The following KIF16B variants were observed in gnomAD, a reference collection of about 807,000 sequenced individuals.
KIF16B encodes kinesin family member 16B.
A neutral mutation model predicts 156.3 loss-of-function variants in KIF16B; 98 were observed. That is an observed-to-expected ratio of 0.63 (90% CI 0.53 to 0.74). KIF16B has a LOEUF of 0.74. Ranked by LOEUF, KIF16B falls within the 30% of genes least tolerant of loss-of-function variation. The pLI, the probability that KIF16B is intolerant of heterozygous loss-of-function variation, is 0.00. For synonymous variants in KIF16B, 564 were observed against 583.7 expected (o/e 0.97, Z 0.49); for missense variants, 1,421 against 1,606.5 (o/e 0.88, Z 1.97).
At chr20:16,560,669 C>T (rs1039176043) in intron 1 of KIF16B, among the ~76,000 whole-genome samples, 3 of 152,016 alleles carry the variant, frequency 2.0e-5, no homozygotes, top group African/African-American at 7.2e-5. Flanking sequence ...CACTCAGCTA[C>T]TTGGGGGGCT....
chr20:16,311,475 G>A (rs753902880), intron 25 of KIF16B, among the ~76,000 whole-genome samples: 4 of 152,200 alleles, frequency 2.6e-5, no homozygotes, highest in South Asian at 2.1e-4. Flanking sequence ...GCAACAGAGC[G>A]AGACTCCGTC....
chr20:16,561,415 G>A (rs971425976), intron 1 of KIF16B, among the ~76,000 whole-genome samples: 8 of 152,006 alleles, frequency 5.3e-5, no homozygotes, highest in Admixed American at 2.6e-4. Flanking sequence ...AAACATAAGC[G>A]CCCTTCATTT....
chr20:16,282,300 T>C (rs1330065770), intron 25 of KIF16B, among the ~76,000 whole-genome samples: 1 of 151,690 alleles, frequency 6.6e-6, no homozygotes, highest in Non-Finnish European at 1.5e-5. Context: ...CCCAAAGTGC[T>C]GGGATTACAG....
chr20:16,532,924 C>G (rs1600643251), intron 1 of KIF16B, among the ~76,000 whole-genome samples: 1 of 152,088 alleles, frequency 6.6e-6, no homozygotes, highest in African/African-American at 2.4e-5. Context: ...TTTGGAGCAG[C>G]TAAATTTAAA....
chr20:16,388,428 G>A (rs957056231), intron 17 of KIF16B, among the ~76,000 whole-genome samples: 2 of 152,152 alleles, frequency 1.3e-5, no homozygotes, highest in Non-Finnish European at 2.9e-5. Flanking sequence ...TTTGAAGGTG[G>A]CTTTATTTTA....
chr20:16,383,552 G>C (rs994236000), intron 17 of KIF16B, among the ~76,000 whole-genome samples: 1 of 152,104 alleles, frequency 6.6e-6, no homozygotes, highest in Non-Finnish European at 1.5e-5. Context: ...AGTCATGAAG[G>C]CCAGCCCATA....
At chr20:16,397,901 T>C (rs139205318) in intron 17 of KIF16B, among the ~76,000 whole-genome samples, 2 of 152,332 alleles carry the variant, frequency 1.3e-5, no homozygotes, top group Non-Finnish European at 2.9e-5. Flanking sequence ...TGAGAGCACA[T>C]GTGCTGGCCA....
chr20:16,437,976 T>TAAAAA (rs1175714230), intron 12 of KIF16B, among the ~76,000 whole-genome samples: 18 of 107,762 alleles, frequency 1.7e-4, no homozygotes, highest in African/African-American at 4.7e-4. Context: ...CTACTAAAAA[T>TAAAAA]AAAAAAAAAT....
chr20:16,371,187 A>G (rs1365702085), intron 21 of KIF16B, among the ~76,000 whole-genome samples: 1 of 152,204 alleles, frequency 6.6e-6, no homozygotes, highest in East Asian at 1.9e-4. Flanking sequence ...ACTCTGCCCA[A>G]GCAATATTTA....
chr20:16,508,168 C>T, intron 6 of KIF16B, 68 bp from the exon 7 acceptor site: 1 of 1,550,652 alleles, frequency 6.4e-7, no homozygotes. Flanking sequence ...CAAAATTACC[C>T]TCTATGAAAT....
At chr20:16,421,706 C>A (rs1389787767) in intron 15 of KIF16B, among the ~76,000 whole-genome samples, 2 of 152,102 alleles carry the variant, frequency 1.3e-5, no homozygotes, top group African/African-American at 4.8e-5. Flanking sequence ...AAAGTCATCT[C>A]GCATTTTACT....
chr20:16,418,374 G>A (rs1400227881), intron 15 of KIF16B, among the ~76,000 whole-genome samples: 6 of 152,040 alleles, frequency 3.9e-5, no homozygotes, highest in Non-Finnish European at 8.8e-5. Flanking sequence ...AGAAACCTTG[G>A]AAATCGAGTT....
intron 12 of KIF16B, among the ~76,000 whole-genome samples, chr20:16,435,996 C>T (rs1256878558): frequency 6.6e-6 from 1 of 152,160 alleles, no homozygotes; most frequent in African/African-American, 2.4e-5. Flanking sequence ...TCCCTTCTCT[C>T]CCATGAAGTG....
chr20:16,468,335 G>C (rs1398977814), intron 12 of KIF16B, among the ~76,000 whole-genome samples: 1 of 152,226 alleles, frequency 6.6e-6, no homozygotes, highest in East Asian at 1.9e-4. Context: ...ACTTTGGGAG[G>C]CTGATGCAGA....
At chr20:16,404,925 T>C in intron 16 of KIF16B, 24 bp from the exon 17 acceptor site, 1 of 1,578,272 alleles carries the variant, frequency 6.3e-7, no homozygotes, top group Non-Finnish European at 8.7e-7. Context: ...CAGGGCAGAG[T>C]GGTTACCTTA....
intron 22 of KIF16B, chr20:16,367,591 ACTT>A: frequency 3.1e-6 from 5 of 1,612,816 alleles, no homozygotes; most frequent in Admixed American, 1.7e-5. Context: ...CAGTAACTGA[ACTT>A]CTGCCAGGGA....
chr20:16,382,216 G>T, intron 17 of KIF16B: 1 of 821,592 alleles, frequency 1.2e-6, no homozygotes, highest in Non-Finnish European at 1.7e-6. Context: ...AGGAATATCA[G>T]GAGAAAAGCA....
At chr20:16,512,010 G>T (rs1446535155) in intron 5 of KIF16B, among the ~76,000 whole-genome samples, 2 of 152,056 alleles carry the variant, frequency 1.3e-5, no homozygotes, top group African/African-American at 4.8e-5. Flanking sequence ...AGCTGGGTGT[G>T]GTAGCGGACA....
intron 23 of KIF16B, 80 bp downstream of exon 23, chr20:16,356,250 C>G: frequency 6.4e-7 from 1 of 1,554,386 alleles, no homozygotes; most frequent in Non-Finnish European, 8.8e-7. Flanking sequence ...GCTTCATCCC[C>G]CTTTTGAAAA....
Sources: gnomAD v4.1 joint callset for allele counts (sites outside exome capture counted in the v4.1 genomes callset) on GRCh38, gnomAD v4.1.1 for gene constraint, MANE v1.5 for transcripts, NCBI Gene and HGNC (gene_info 2026-07-23, HGNC 2026-07-21) for gene names.